RARB: variants seen among roughly 807,000 people sequenced by gnomAD.
RARB encodes the protein retinoic acid receptor beta.
Under a neutral mutation model 51.9 loss-of-function variants are expected in RARB, and 17 were observed. That is an observed-to-expected ratio of 0.33 (90% CI 0.22 to 0.49). RARB has a LOEUF of 0.49. Among genes scored for constraint, RARB ranks in the 20% least tolerant of loss-of-function variants. RARB has a pLI of 0.99. For synonymous variants in RARB, 215 were observed against 195.4 expected (o/e 1.10, Z -0.84); for missense variants, 369 against 550.8 (o/e 0.67, Z 3.30).
upstream of RARB, among the ~76,000 whole-genome samples, chr3:25,427,734 C>T (rs775378017): frequency 1.3e-5 from 2 of 152,200 alleles, no homozygotes; most frequent in Non-Finnish European, 2.9e-5. Context: ...TTTCCCAACC[C>T]AAGCCTTTCC....
At chr3:25,084,739 G>A (rs1699074658) in intron 3 of RARB, among the ~76,000 whole-genome samples, 1 of 148,822 alleles carries the variant, frequency 6.7e-6, no homozygotes, top group Non-Finnish European at 1.5e-5. Context: ...CATCTGTTTG[G>A]GGTTTTTTTT....
intron 2 of RARB, among the ~76,000 whole-genome samples, chr3:24,929,049 G>T (rs1695386948): frequency 6.6e-6 from 1 of 151,836 alleles, no homozygotes; most frequent in Non-Finnish European, 1.5e-5. Flanking sequence ...GTTTTAAAAA[G>T]CTTTAGAAAA....
intron 5 of RARB, among the ~76,000 whole-genome samples, chr3:25,306,972 G>A (rs17016164): frequency 0.04 from 6,099 of 152,224 alleles, 164 homozygotes; most frequent in Middle Eastern, 0.068. Context: ...AGCTCCCCAC[G>A]CTAAGAGAGA....
intron 4 of RARB, among the ~76,000 whole-genome samples, chr3:25,132,740 C>A (rs1442788218): frequency 6.6e-6 from 1 of 151,800 alleles, no homozygotes; most frequent in Non-Finnish European, 1.5e-5. Context: ...GTTCTCACTA[C>A]AATGAAATAA....
chr3:25,367,831 A>AC lies in RARB; in HGVS notation c.179-93362_179-93361insC, dbSNP rs1306756220. Among the ~76,000 whole-genome samples the AC allele has an allele frequency of 1.6e-3, 241 of 151,132 alleles. 1 individual carries two copies. Among genetic ancestry groups the AC allele is most frequent in the African/African-American group, 5.6e-3 (230 of 41,038 alleles). On this transcript the variant is annotated intron_variant, in intron 5 of 11. Transcript: ENST00000383772. ...AAAAAAACAAGCAAAAAAAAAACAAAAACAAAACAAAAGAAATATGGCTAT... is the reference window on the plus strand; with the variant it reads ...AAAAAAACAAGCAAAAAAAAAACAAACAACAAAACAAAAGAAATATGGCTAT...
intron 5 of RARB, among the ~76,000 whole-genome samples, chr3:25,312,439 C>G (rs1440563004): frequency 6.6e-6 from 1 of 152,030 alleles, no homozygotes; most frequent in East Asian, 1.9e-4. Flanking sequence ...ATAAGCAGCA[C>G]GTCAGGACTG....
chr3:25,366,559 G>A (rs1446027367), intron 5 of RARB, among the ~76,000 whole-genome samples: 3 of 152,162 alleles, frequency 2.0e-5, no homozygotes. Context: ...TTGAAAATGA[G>A]AGTTGGAAAA....
intron 3 of RARB, among the ~76,000 whole-genome samples, chr3:25,078,702 TG>T (rs1387989735): frequency 6.6e-6 from 1 of 152,140 alleles, no homozygotes; most frequent in African/African-American, 2.4e-5. Flanking sequence ...TGACTAATTT[TG>T]TATTTTTAGT....
At chr3:24,892,721 C>G (rs938042374) in intron 2 of RARB, among the ~76,000 whole-genome samples, 1 of 152,174 alleles carries the variant, frequency 6.6e-6, no homozygotes, top group Non-Finnish European at 1.5e-5. Flanking sequence ...GTGTAAGAGT[C>G]AGTCATTACC....
chr3:24,950,502 G>GT (rs1044487988), intron 2 of RARB, among the ~76,000 whole-genome samples: 3 of 152,138 alleles, frequency 2.0e-5, no homozygotes, highest in African/African-American at 7.2e-5. Flanking sequence ...AAATATGCTA[G>GT]TTTTTTCTGG....
In RARB at chr3:24,960,923, A is replaced by G. The variant is rs542396130; in HGVS notation, c.-379-99202A>G. Among the ~76,000 whole-genome samples the G allele has an allele frequency of 1.6e-4, 24 of 152,340 alleles. No homozygotes were observed. The South Asian group carries it at 4.6e-3, about 29-fold the overall frequency. ...ATGACTAGGAATGACAGAATGGAAA[A>G]GAACAGGTTGTGAAATCTTGAGGGT... On this transcript the variant is annotated intron_variant, in intron 2 of 11. Coordinates refer to the RARB transcript ENST00000383772.
chr3:25,389,240 T>C (rs1160631086), intron 5 of RARB, among the ~76,000 whole-genome samples: 1 of 152,136 alleles, frequency 6.6e-6, no homozygotes, highest in African/African-American at 2.4e-5. Flanking sequence ...AACCTTACCT[T>C]CCTTTTTTTA....
chr3:25,443,949 TAATAA>T (rs775354667), intron 1 of RARB, among the ~76,000 whole-genome samples: 1 of 151,906 alleles, frequency 6.6e-6, no homozygotes, highest in Non-Finnish European at 1.5e-5. Context: ...ATAATAATAA[TAATAA>T]AATAAATAAA....
chr3:25,557,022 T>C (rs986052414), intron 3 of RARB, among the ~76,000 whole-genome samples: 1 of 152,202 alleles, frequency 6.6e-6, no homozygotes, highest in African/African-American at 2.4e-5. Flanking sequence ...ACAAATTACA[T>C]GGAACCATTC....
At chr3:25,210,471 G>C (rs1372922161) in intron 5 of RARB, among the ~76,000 whole-genome samples, 1 of 149,716 alleles carries the variant, frequency 6.7e-6, no homozygotes, top group Non-Finnish European at 1.5e-5. Flanking sequence ...TCTCACCACA[G>C]GGTCAGAGTT....
chr3:25,541,257 T>G (rs565930982), intron 3 of RARB, among the ~76,000 whole-genome samples: 3 of 152,328 alleles, frequency 2.0e-5, no homozygotes, highest in African/African-American at 7.2e-5. Context: ...CCTCATCCTC[T>G]TCAGCCTCTC....
At chr3:25,432,356 T>C (rs1439556087) in intron 1 of RARB, among the ~76,000 whole-genome samples, 3 of 152,168 alleles carry the variant, frequency 2.0e-5, no homozygotes, top group Non-Finnish European at 4.4e-5. Flanking sequence ...AGTAGAAAGG[T>C]AGACATCTGT....
intron 2 of RARB, among the ~76,000 whole-genome samples, chr3:24,924,532 A>G (rs1476662285): frequency 6.6e-6 from 1 of 152,174 alleles, no homozygotes; most frequent in Non-Finnish European, 1.5e-5. Flanking sequence ...GTTTTCTTTT[A>G]ATTAACTTTA....
intron 3 of RARB, among the ~76,000 whole-genome samples, chr3:25,546,120 T>C (rs1393842153): frequency 1.3e-5 from 2 of 151,802 alleles, no homozygotes; most frequent in South Asian, 2.1e-4. Context: ...TGCCCTGGCA[T>C]GTGTAGGGAC....
Sources: gnomAD v4.1 joint callset for allele counts (sites outside exome capture counted in the v4.1 genomes callset) on GRCh38, gnomAD v4.1.1 for gene constraint, MANE v1.5 for transcripts, NCBI Gene and HGNC (gene_info 2026-07-23, HGNC 2026-07-21) for gene names.